NGLY1: variants seen among roughly 807,000 people sequenced by gnomAD.
NGLY1 encodes N-glycanase 1.
Under a neutral mutation model 84.6 loss-of-function variants are expected in NGLY1, and 68 were observed. The ratio of observed to expected loss-of-function variants is 0.80; its 90% CI spans 0.66 to 0.98. The LOEUF (loss-of-function observed/expected upper bound fraction) is 0.98, where lower values mean the gene tolerates loss of function less well. Among genes scored for constraint, NGLY1 ranks in the 50% least tolerant of loss-of-function variants. The probability of loss-of-function intolerance (pLI) is 0.00; values close to 1 mark genes in which losing one functional copy is unlikely to be tolerated. For synonymous variants in NGLY1, 280 were observed against 275.2 expected (o/e 1.02, Z -0.17); for missense variants, 779 against 770.2 (o/e 1.01, Z -0.14).
chr3:25,761,909 C>G (rs542686395), intron 3 of NGLY1, among the ~76,000 whole-genome samples: 2 of 152,028 alleles, frequency 1.3e-5, no homozygotes, highest in African/African-American at 4.8e-5. Flanking sequence ...TCCTGCAATA[C>G]GAAGAACTTC....
At chr3:25,786,742 T>A (rs1292105708), upstream of NGLY1, among the ~76,000 whole-genome samples, 1 of 152,236 alleles carries the variant, frequency 6.6e-6, no homozygotes, top group Admixed American at 6.5e-5. Context: ...ATGATTTTTT[T>A]AAAATGGTGA....
chr3:25,766,068 C>CT (rs750093129), intron 2 of NGLY1, among the ~76,000 whole-genome samples: 2,855 of 144,746 alleles, frequency 0.02, 77 homozygotes, highest in African/African-American at 0.064. Flanking sequence ...TAGATTAATA[C>CT]TTTTTTTTTT....
rs775364757 is a variant in NGLY1, at chr3:25,751,154, T to C, written c.602A>G (p.Gln201Arg). Residue 201 changes from glutamine (Q) to arginine (R), a missense_variant, in exon 4 of 12, where the codon CAA becomes CGA. Gln to Arg is a conservative substitution (Grantham distance 43). Transcript: ENST00000280700. ...TTCTTGTGATTTCCTTTTTAGTTCT[T>C]GGACCGGAATACAAGCCAACGCTTT... is the stretch of plus-strand genomic sequence containing the variant. The part of the protein sequence containing the change: ...QEKALACIPV[Q>R]ELKRKSQEKL... 2 of 1,613,840 alleles carry C rather than the reference T, an allele frequency of 1.2e-6. No individual in the cohort carries two copies. Among genetic ancestry groups the C allele is most frequent in the African/African-American group, 1.3e-5 (1 of 75,046 alleles).
At chr3:25,768,808 C>T (rs1217498187) in intron 2 of NGLY1, among the ~76,000 whole-genome samples, 2 of 151,676 alleles carry the variant, frequency 1.3e-5, no homozygotes, top group African/African-American at 4.8e-5. Flanking sequence ...TCCCAAAGTG[C>T]TGGGATTACA....
chr3:25,719,477 T>A lies in NGLY1; in HGVS notation c.1948A>T (p.Lys650Ter). 1 of 1,613,772 alleles carries A rather than the reference T, an allele frequency of 6.2e-7. No individual in the cohort carries two copies. Among genetic ancestry groups the A allele is most frequent in the Non-Finnish European group, 8.5e-7 (1 of 1,179,782 alleles). ...TCAGGTTCTCAAAGGTCACTGAATT[T>A]TATAATTATCTCCAAACAATTTTCT... is the stretch of plus-strand genomic sequence containing the variant. ...HEENCLEIIIKFSDL is the reference protein window; with the variant it reads ...HEENCLEIII The change falls in exon 12 of 12, where the codon AAA becomes TAA. Residue 650 changes from lysine (K) to a stop codon, truncating the protein, a stop_gained. Transcript: ENST00000280700. LOFTEE classifies it high-confidence loss of function.
chr3:25,719,324 A>T lies in NGLY1; in HGVS notation c.*136T>A. The T allele has an allele frequency of 1.8e-6, 1 of 565,806 alleles. No homozygotes were observed. Among genetic ancestry groups the T allele is most frequent in the Non-Finnish European group, 3.1e-6 (1 of 323,892 alleles). The allele number at this position is 565,806 out of a possible 1,614,324, so 35.0% of individuals were successfully genotyped here. A position where few individuals can be genotyped will look rare whatever the true frequency, so the allele number is the denominator to read the frequency against. ...TCCACGTATAAAGATAATTTTCATGAGGGTTACATGATGGATAGCTAGCAA... is the reference window on the plus strand; with the variant it reads ...TCCACGTATAAAGATAATTTTCATGTGGGTTACATGATGGATAGCTAGCAA... On this transcript the variant is annotated 3_prime_UTR_variant, in exon 12 of 12. Coordinates refer to ENST00000280700, the MANE Select transcript of NGLY1 (RefSeq NM_018297.4).
intron 2 of NGLY1, among the ~76,000 whole-genome samples, chr3:25,768,402 A>C (rs1467086550): frequency 6.9e-6 from 1 of 145,364 alleles, no homozygotes; most frequent in Admixed American, 7.3e-5. Context: ...AGCCTGGGCA[A>C]CAAGAGGTGA....
chr3:25,737,551 T>C lies in NGLY1; in HGVS notation c.882-96A>G, dbSNP rs34017791. ...GCTAAACAGAAATGTTTAATTTTTT[T>C]TTTTTTTTTGAGACGGAGTCTTGCT... On this transcript the variant is annotated intron_variant, in intron 5 of 11. Coordinates refer to ENST00000280700, the MANE Select transcript of NGLY1 (RefSeq NM_018297.4). The C allele has an allele frequency of 0.025, 31,800 of 1,252,996 alleles. 744 individuals are homozygous for C. Among genetic ancestry groups the C allele is most frequent in the African/African-American group, 0.1 (6,645 of 65,172 alleles). The allele number at this position is 1,252,996 out of a possible 1,614,324, so 77.6% of individuals were successfully genotyped here.
Position 25,719,377 on chromosome 3 carries a change from C to T in NGLY1, c.*83G>A. The T allele has an allele frequency of 8.6e-7, 1 of 1,163,936 alleles. No homozygotes were observed. Among genetic ancestry groups the T allele is most frequent in the Non-Finnish European group, 1.2e-6 (1 of 806,908 alleles). 72.1% of individuals were successfully genotyped at this position (1,163,936 alleles called of 1,614,324 possible). A position where few individuals can be genotyped will look rare whatever the true frequency, so the allele number is the denominator to read the frequency against. Reference sequence around the variant, plus strand: ...GAAATATGCTAGCACAGGGTGGTAACTGCCAACTAAGCATGCACTGAACCA... The same window carrying T: ...GAAATATGCTAGCACAGGGTGGTAATTGCCAACTAAGCATGCACTGAACCA... On this transcript the variant is annotated 3_prime_UTR_variant, in exon 12 of 12. Coordinates refer to ENST00000280700, the MANE Select transcript of NGLY1 (RefSeq NM_018297.4).
chr3:25,752,629 A>T, intron 3 of NGLY1, among the ~76,000 whole-genome samples: 1 of 151,456 alleles, frequency 6.6e-6, no homozygotes, highest in Admixed American at 6.6e-5. Context: ...GTAATACAGC[A>T]AGATCCTATC....
Position 25,737,365 on chromosome 3 carries a change from C to T in NGLY1, c.972G>A (p.Gly324=), listed in dbSNP as rs1057521904. The change falls in exon 6 of 12, where the codon GGG becomes GGA. Residue 324 remains glycine (G), a synonymous_variant. Transcript: ENST00000280700. The stretch of plus-strand genomic sequence containing the variant: ...AATCCCAAACATAGCGAGCTTCAAA[C>T]CCTACAGCTCGGCAGCACAGTGTAA... The part of the protein sequence containing the change: ...NCFTLCCRAV[G]FEARYVWDYT... 3.7e-6 allele frequency: 6 copies of T among 1,613,552 alleles called. No individual in the cohort carries two copies. Among genetic ancestry groups the T allele is most frequent in the Non-Finnish European group, 4.2e-6 (5 of 1,179,884 alleles).
chr3:25,729,772 C>T (rs1242360434), intron 9 of NGLY1: 1 of 152,180 alleles, frequency 6.6e-6, no homozygotes, highest in African/African-American at 2.4e-5. Context: ...ACTTAAACTC[C>T]AAGCTCTTTA....
At chr3:25,749,638 G>C (rs1706624177) in intron 4 of NGLY1, 4 of 1,475,804 alleles carry the variant, frequency 2.7e-6, no homozygotes, top group Non-Finnish European at 3.8e-6. Flanking sequence ...GAAGGTTCAA[G>C]AGCCAGATCT....
chr3:25,774,175 T>C (rs1012776887), intron 2 of NGLY1, among the ~76,000 whole-genome samples: 2 of 152,180 alleles, frequency 1.3e-5, no homozygotes, highest in African/African-American at 4.8e-5. Context: ...GAATTAGCTG[T>C]TGTATTCTCT....
chr3:25,776,875 T>C (rs1023452098), intron 2 of NGLY1, among the ~76,000 whole-genome samples: 1 of 152,164 alleles, frequency 6.6e-6, no homozygotes, highest in Non-Finnish European at 1.5e-5. Flanking sequence ...GTACCTAACA[T>C]CTGTAATGCA....
chr3:25,743,838 A>G (rs1186159374), intron 4 of NGLY1, among the ~76,000 whole-genome samples: 1 of 152,150 alleles, frequency 6.6e-6, no homozygotes, highest in Non-Finnish European at 1.5e-5. Flanking sequence ...TGAAAGTAGG[A>G]CTACTAAACA....
At chr3:25,752,837 TATAAA>T (rs1706827661) in intron 3 of NGLY1, among the ~76,000 whole-genome samples, 3 of 151,084 alleles carry the variant, frequency 2.0e-5, no homozygotes. Context: ...AAATAAATAA[TATAAA>T]ATAAAGAAGA....
intron 2 of NGLY1, among the ~76,000 whole-genome samples, chr3:25,777,171 G>A (rs561101473): frequency 2.0e-5 from 3 of 152,278 alleles, no homozygotes; most frequent in East Asian, 1.9e-4. Context: ...CAAGGCGGGC[G>A]GATCGCCTGA....
At chr3:25,740,728 G>A (rs1310200623) in intron 4 of NGLY1, among the ~76,000 whole-genome samples, 1 of 152,032 alleles carries the variant, frequency 6.6e-6, no homozygotes, top group Non-Finnish European at 1.5e-5. Flanking sequence ...AAATATTTAT[G>A]TTCCTGGAGG....
Sources: gnomAD v4.1 joint callset for allele counts (sites outside exome capture counted in the v4.1 genomes callset) on GRCh38, gnomAD v4.1.1 for gene constraint, MANE v1.5 for transcripts, NCBI Gene and HGNC (gene_info 2026-07-23, HGNC 2026-07-21) for gene names.